The following SNX29 variants were observed in gnomAD, a reference collection of about 807,000 sequenced individuals.
SNX29 encodes the protein sorting nexin 29.
SNX29 carries 78 observed loss-of-function variants against 102.1 expected under a neutral mutation model. That is an observed-to-expected ratio of 0.76 (90% CI 0.64 to 0.92). The LOEUF is 0.92. Ranked by LOEUF, SNX29 falls within the 40% of genes least tolerant of loss-of-function variation. The probability of loss-of-function intolerance (pLI) is 0.00; values close to 1 mark genes in which losing one functional copy is unlikely to be tolerated. For synonymous variants in SNX29, 580 were observed against 414.5 expected, an observed-to-expected ratio of 1.40 and a Z score of -4.85; for missense variants, 1,280 against 1,061.7, an observed-to-expected ratio of 1.21 and a Z score of -2.86.
In SNX29 at chr16:12,512,998, A is replaced by AG. The variant is rs2089700471; in HGVS notation, c.2179-11701dup. On this transcript the variant is annotated intron_variant, in intron 19 of 20. Coordinates refer to ENST00000566228, the MANE Select transcript of SNX29 (RefSeq NM_032167.5). The stretch of plus-strand genomic sequence containing the variant: ...GGCCTTGCTTCCCTTGTCCCCCCAG[A>AG]GGGCAGTGGCCCTGGCCTCCAAGGC... Among the ~76,000 whole-genome samples, 3 of 152,028 alleles carry AG rather than the reference A, an allele frequency of 2.0e-5. No individual in the cohort carries two copies. In the South Asian group the frequency reaches 6.2e-4, roughly 32 times the overall value.
At position 12,572,473 on chromosome 16, in the gene SNX29, G is replaced by A. The variant is rs987142508; in HGVS notation, c.*3844G>A. On this transcript the variant is annotated 3_prime_UTR_variant, in exon 21 of 21. Transcript: ENST00000566228. ...CATGGTACATTTTGCCAACCCTGAG[G>A]ACCAGTTCTTGGGGTTCCAGGCCTC... 5.5e-5 allele frequency: 59 copies of A among 1,063,696 alleles called. No homozygotes were observed. Among genetic ancestry groups the A allele is most frequent in the Non-Finnish European group, 6.5e-5 (57 of 878,356 alleles). The allele number at this position is 1,063,696 out of a possible 1,614,324, so 65.9% of individuals were successfully genotyped here.
rs78613717 is a variant in SNX29 at position 12,225,506 on chromosome 16, A to G, written c.1678+25823A>G. 1.6e-3 allele frequency among the ~76,000 whole-genome samples: 241 copies of G among 152,250 alleles called. 6 individuals carry two copies. In the East Asian group the frequency reaches 0.043, roughly 27 times the overall value. ...TCTCTTTGATGTCTGCCATCCACGT[A>G]AGATATGATTTGCTCCTCCTTCTGC... On this transcript the variant is annotated intron_variant, in intron 14 of 20. Transcript: ENST00000566228.
In SNX29 at chr16:12,393,503, G is replaced by T. The variant is rs118075927; in HGVS notation, c.1900-4943G>T. On this transcript the variant is annotated intron_variant, in intron 16 of 20. Coordinates refer to ENST00000566228, the MANE Select transcript of SNX29 (RefSeq NM_032167.5). ...TGCAGTGTGTCATGGTGAACAGGTG[G>T]GTGTGGTAAGCACATATAGAGCTCT... 7.2e-3 allele frequency among the ~76,000 whole-genome samples: 1,079 copies of T among 149,658 alleles called. 8 individuals carry two copies. The highest frequency in any genetic ancestry group is 0.017 in the Middle Eastern group (5 of 294).
At chr16:12,288,454 C>T (rs1046349072) in intron 15 of SNX29, among the ~76,000 whole-genome samples, 1 of 152,182 alleles carries the variant, frequency 6.6e-6, no homozygotes, top group Non-Finnish European at 1.5e-5. Context: ...TGCGGGGTCA[C>T]CCTGCTCTGC....
intron 3 of SNX29, among the ~76,000 whole-genome samples, chr16:12,008,621 AAT>A: frequency 6.6e-6 from 1 of 152,092 alleles, no homozygotes; most frequent in East Asian, 1.9e-4. Context: ...AGTTAAAAAC[AAT>A]ATGTTTTTCG....
chr16:12,036,371 G>A (rs1465818776), intron 4 of SNX29, among the ~76,000 whole-genome samples: 1 of 118,004 alleles, frequency 8.5e-6, no homozygotes, highest in Non-Finnish European at 1.6e-5. Flanking sequence ...GTCTTGCTCT[G>A]TTGCCCAGGC....
chr16:12,064,296 AGAGAACC>A (rs2050918910), intron 9 of SNX29, among the ~76,000 whole-genome samples: 2 of 152,138 alleles, frequency 1.3e-5, no homozygotes, highest in African/African-American at 4.8e-5. Flanking sequence ...CTTTGGTCTT[AGAGAACC>A]CAGAGCTCTT....
At chr16:12,548,072 A>G (rs117484882) in intron 20 of SNX29, among the ~76,000 whole-genome samples, 1 of 152,204 alleles carries the variant, frequency 6.6e-6, no homozygotes, top group South Asian at 2.1e-4. Context: ...ACGGTCAGGC[A>G]TGACATAAAA....
intron 20 of SNX29, among the ~76,000 whole-genome samples, chr16:12,563,041 A>G (rs551068816): frequency 6.6e-6 from 1 of 152,284 alleles, no homozygotes; most frequent in Non-Finnish European, 1.5e-5. Flanking sequence ...TGCAAGGGCC[A>G]AGGTCACCTC....
rs565708630 is a variant in SNX29 at position 12,369,712 on chromosome 16, AACAC to A, written c.1899+13439_1899+13442del. Among the ~76,000 whole-genome samples the A allele has an allele frequency of 3.7e-3, 564 of 150,872 alleles. 3 individuals carry two copies. Among genetic ancestry groups the A allele is most frequent in the South Asian group, 6.8e-3 (33 of 4,828 alleles). Reference sequence around the variant, plus strand: ...TAATTTGTTCAATTTCTGCTAAATTAACACACACAGTATTTCCAGGGATACATAA... The same window carrying A: ...TAATTTGTTCAATTTCTGCTAAATTAACACAGTATTTCCAGGGATACATAA... On this transcript the variant is annotated intron_variant, in intron 16 of 20. Transcript: ENST00000566228.
At chr16:12,556,184 TTGC>T (rs2078335489) in intron 20 of SNX29, among the ~76,000 whole-genome samples, 1 of 152,182 alleles carries the variant, frequency 6.6e-6, no homozygotes, top group African/African-American at 2.4e-5. Context: ...ATCCCAGATG[TTGC>T]TGAGTCTGAA....
intron 18 of SNX29, among the ~76,000 whole-genome samples, chr16:12,461,013 T>C (rs2086756132): frequency 6.6e-6 from 1 of 152,220 alleles, no homozygotes; most frequent in East Asian, 1.9e-4. Flanking sequence ...AATATTTAAA[T>C]GTTAAGCAAA....
intron 5 of SNX29, among the ~76,000 whole-genome samples, chr16:12,044,500 G>T (rs1205405504): frequency 4.6e-5 from 7 of 152,146 alleles, no homozygotes; most frequent in Non-Finnish European, 7.4e-5. Flanking sequence ...TACTGCTCAC[G>T]GTCAGAGTTC....
chr16:12,437,615 C>G (rs369496613), intron 18 of SNX29, among the ~76,000 whole-genome samples: 2 of 152,278 alleles, frequency 1.3e-5, no homozygotes, highest in Admixed American at 6.5e-5. Context: ...GTCCTTTCCC[C>G]TCTTGACCCT....
intron 14 of SNX29, among the ~76,000 whole-genome samples, chr16:12,258,008 C>A (rs925371982): frequency 5.3e-5 from 8 of 152,186 alleles, no homozygotes; most frequent in African/African-American, 1.9e-4. Context: ...GGTCAGGCCC[C>A]CAGAGTCTCT....
At chr16:12,135,110 T>G (rs745366386) in intron 13 of SNX29, among the ~76,000 whole-genome samples, 15 of 152,172 alleles carry the variant, frequency 9.9e-5, no homozygotes, top group Non-Finnish European at 8.8e-5. Context: ...TTCTTTTTCT[T>G]CTACTCAGGC....
At chr16:12,120,459 G>A (rs538327739) in intron 11 of SNX29, among the ~76,000 whole-genome samples, 1 of 152,234 alleles carries the variant, frequency 6.6e-6, no homozygotes, top group East Asian at 1.9e-4. Context: ...TCTAGTCATC[G>A]CAGTCAGCAG....
At chr16:12,171,838 T>C (rs1331542214) in intron 13 of SNX29, among the ~76,000 whole-genome samples, 1 of 152,214 alleles carries the variant, frequency 6.6e-6, no homozygotes, top group Non-Finnish European at 1.5e-5. Flanking sequence ...ATTGTTAGAT[T>C]TGGTAGAAGA....
chr16:12,027,541 G>A (rs963887221), intron 4 of SNX29, 97 bp downstream of exon 4: 30 of 1,438,202 alleles, frequency 2.1e-5, no homozygotes, highest in African/African-American at 1.4e-4. Flanking sequence ...CAGTGATCGC[G>A]TGGGACTTGG....
Sources: allele counts gnomAD v4.1 joint callset (sites outside exome capture counted in the v4.1 genomes callset), GRCh38; gene constraint gnomAD v4.1.1; transcripts MANE v1.5; gene names NCBI Gene and HGNC (gene_info 2026-07-23, HGNC 2026-07-21).